The following GINM1 variants were observed in gnomAD, a reference collection of about 807,000 sequenced individuals.
GINM1 encodes glycoprotein integral membrane protein 1.
In GINM1, 29 loss-of-function variants were observed where a neutral mutation model predicts 37.8. The ratio of observed to expected loss-of-function variants is 0.77; its 90% confidence interval spans 0.57 to 1.05. The LOEUF is 1.05. Ranked by LOEUF, GINM1 falls within the 50% of genes least tolerant of loss-of-function variation. The pLI, the probability that GINM1 is intolerant of heterozygous loss-of-function variation, is 0.00. For synonymous variants in GINM1, 143 were observed against 146.2 expected (o/e 0.98, Z 0.16); for missense variants, 377 against 397.9 (o/e 0.95, Z 0.45).
At chr6:149,586,092 C>A (rs1778066756) in intron 7 of GINM1, among the ~76,000 whole-genome samples, 1 of 152,108 alleles carries the variant, frequency 6.6e-6, no homozygotes, top group South Asian at 2.1e-4. Flanking sequence ...TAAAGTAATA[C>A]CTGGGCTGGT....
chr6:149,575,731 G>A (rs901236483), intron 3 of GINM1, among the ~76,000 whole-genome samples: 3 of 152,172 alleles, frequency 2.0e-5, no homozygotes, highest in Non-Finnish European at 4.4e-5. Context: ...TTGGTGTGCT[G>A]CAAGCTGATC....
intron 1 of GINM1, among the ~76,000 whole-genome samples, chr6:149,572,065 G>A (rs1362415962): frequency 6.8e-6 from 1 of 147,798 alleles, no homozygotes; most frequent in Admixed American, 7.2e-5. Flanking sequence ...TGGCGACAAA[G>A]TGAGACTCTC....
At chr6:149,588,782 C>G (rs915856217) in intron 7 of GINM1, among the ~76,000 whole-genome samples, 1 of 151,796 alleles carries the variant, frequency 6.6e-6, no homozygotes, top group Admixed American at 6.6e-5. Flanking sequence ...CACTTGCCAC[C>G]CTGCCTGGCT....
chr6:149,570,894 G>A (rs1164793479), intron 1 of GINM1, among the ~76,000 whole-genome samples: 1 of 152,180 alleles, frequency 6.6e-6, no homozygotes, highest in African/African-American at 2.4e-5. Context: ...TCTTAAAATA[G>A]TGCTTGCTTC....
intron 4 of GINM1, 117 bp from the exon 5 acceptor site, chr6:149,579,717 T>G: frequency 1.8e-6 from 1 of 542,530 alleles, no homozygotes; most frequent in Non-Finnish European, 3.1e-6. Flanking sequence ...AAAAGAGTAA[T>G]TGTCTGAATA....
rs1777958009 is a variant in GINM1, at chr6:149,578,961, T to G, written c.417T>G (p.Ile139Met). 1.3e-6 allele frequency: 2 copies of G among 1,587,214 alleles called. No homozygotes were observed. Among genetic ancestry groups the G allele is most frequent in the African/African-American group, 2.7e-5 (2 of 74,138 alleles). The part of the protein sequence containing the change: ...LIVIQEEVVE[I>M]DGKQVQQKDV... ...TCATTCAAGAAGAGGTAGTAGAGAT[T>G]GATGGAAAACAAGTAAGATAGTATG... is the stretch of plus-strand genomic sequence containing the variant. The change falls in exon 4 of 8, where the codon ATT becomes ATG. Residue 139 changes from isoleucine to methionine, a missense_variant. Physicochemically the swap from Ile to Met is conservative, Grantham distance 10 (BLOSUM62 1). Coordinates refer to ENST00000367419, the MANE Select transcript of GINM1 (RefSeq NM_138785.5).
rs11547034 is a variant in GINM1, at chr6:149,566,450, G to A, written c.36G>A (p.Arg12=). 19,177 of 1,575,390 alleles carry A rather than the reference G, an allele frequency of 0.012. 1,996 individuals carry two copies. In the African/African-American group the frequency reaches 0.23, roughly 19 times the overall value. Residue 12 remains arginine (R), a synonymous_variant, in exon 1 of 8, where the codon CGG becomes CGA. Coordinates refer to ENST00000367419, the MANE Select transcript of GINM1 (RefSeq NM_138785.5). The surrounding 1 kb of genome is among the most constrained non-coding windows in gnomAD (Gnocchi z 4.4). The part of the protein sequence containing the change: ...EGAPPGSLAL[R]LLLFVALPAS... ...CTCCACCGGGGTCGCTCGCCCTCCGGCTCCTGCTGTTCGTGGCGCTACCCG... is the reference window on the plus strand; with the variant it reads ...CTCCACCGGGGTCGCTCGCCCTCCGACTCCTGCTGTTCGTGGCGCTACCCG...
At chr6:149,589,303 C>T (rs1023451429) in intron 7 of GINM1, among the ~76,000 whole-genome samples, 3 of 151,410 alleles carry the variant, frequency 2.0e-5, no homozygotes, top group Non-Finnish European at 2.9e-5. Flanking sequence ...GACAGAGTCT[C>T]GCTTTGTTGC....
At chr6:149,581,331 G>A (rs1164068501) in intron 6 of GINM1, among the ~76,000 whole-genome samples, 1 of 152,084 alleles carries the variant, frequency 6.6e-6, no homozygotes, top group Non-Finnish European at 1.5e-5. Context: ...GCTAATTTTT[G>A]TATTTTTAGT....
In GINM1 at chr6:149,570,436, T is replaced by A. The variant is rs2115055060; in HGVS notation, c.121-1849T>A. On this transcript the variant is annotated intron_variant, in intron 1 of 7. Coordinates refer to ENST00000367419, the MANE Select transcript of GINM1 (RefSeq NM_138785.5). Reference sequence around the variant, plus strand: ...GGATTTGTTTTAGATGCACTATTGGTTCTAACCGTCTAGATCAAGGTGAGC... The same window carrying A: ...GGATTTGTTTTAGATGCACTATTGGATCTAACCGTCTAGATCAAGGTGAGC... 2.0e-5 allele frequency among the ~76,000 whole-genome samples: 3 copies of A among 152,100 alleles called. No homozygotes were observed. In the South Asian group the frequency reaches 6.2e-4, roughly 32 times the overall value.
chr6:149,580,522 G>A, intron 5 of GINM1, 71 bp from the exon 6 acceptor site: 1 of 1,330,710 alleles, frequency 7.5e-7, no homozygotes, highest in Non-Finnish European at 1.0e-6. Context: ...AAATGCTATT[G>A]GTATCGTAAT....
Position 149,591,065 on chromosome 6 carries a change from C to A in GINM1, c.*227C>A, listed in dbSNP as rs560649369. On this transcript the variant is annotated 3_prime_UTR_variant, in exon 8 of 8. Transcript: ENST00000367419. The stretch of plus-strand genomic sequence containing the variant: ...ATCCCAGGACTTTGGGAGGCCAATG[C>A]GGGCGGATCACGAGGTCAGATCAAG... 1.2e-5 allele frequency: 5 copies of A among 406,878 alleles called. No individual in the cohort carries two copies. Among genetic ancestry groups the A allele is most frequent in the Non-Finnish European group, 1.8e-5 (4 of 228,116 alleles). 25.2% of individuals were successfully genotyped at this position (406,878 alleles called of 1,614,324 possible). A position where few individuals can be genotyped will look rare whatever the true frequency, so the allele number is the denominator to read the frequency against.
intron 7 of GINM1, among the ~76,000 whole-genome samples, chr6:149,586,780 T>A (rs1778077688): frequency 6.6e-6 from 1 of 152,150 alleles, no homozygotes; most frequent in Non-Finnish European, 1.5e-5. Flanking sequence ...AGACAAGGTC[T>A]CACCTTGACA....
chr6:149,586,335 A>T (rs1396924746), intron 7 of GINM1, among the ~76,000 whole-genome samples: 1 of 152,188 alleles, frequency 6.6e-6, no homozygotes, highest in Non-Finnish European at 1.5e-5. Context: ...TCTCCAGGGA[A>T]TGAATAATGA....
At chr6:149,568,850 C>T (rs1001840381) in intron 1 of GINM1, among the ~76,000 whole-genome samples, 3 of 150,950 alleles carry the variant, frequency 2.0e-5, no homozygotes, top group Non-Finnish European at 4.4e-5. Flanking sequence ...TTTTTTGAGA[C>T]GGAATATCTC....
At chr6:149,582,661 A>AAT in intron 7 of GINM1, 58 bp downstream of exon 7, 1 of 1,211,520 alleles carries the variant, frequency 8.3e-7, no homozygotes, top group Non-Finnish European at 1.1e-6. Context: ...AGTGAGACAT[A>AAT]TTTGCTATGT....
At chr6:149,585,651 G>A (rs2115062641) in intron 7 of GINM1, among the ~76,000 whole-genome samples, 1 of 152,076 alleles carries the variant, frequency 6.6e-6, no homozygotes, top group Non-Finnish European at 1.5e-5. Context: ...GAAGTGCAGT[G>A]GCACAATCTC....
intron 1 of GINM1, among the ~76,000 whole-genome samples, chr6:149,569,486 G>A (rs937759595): frequency 7.3e-5 from 11 of 151,070 alleles, no homozygotes; most frequent in African/African-American, 2.7e-4. Flanking sequence ...TTACAGGCAC[G>A]TGCCACCATG....
At chr6:149,584,882 A>T (rs747881997) in intron 7 of GINM1, among the ~76,000 whole-genome samples, 9 of 151,722 alleles carry the variant, frequency 5.9e-5, no homozygotes, top group Non-Finnish European at 1.0e-4. Flanking sequence ...GTTGGTCTTG[A>T]ACTCTTGGCC....
Sources: allele counts gnomAD v4.1 joint callset (sites outside exome capture counted in the v4.1 genomes callset), GRCh38; gene constraint gnomAD v4.1.1; non-coding constraint Gnocchi (gnomAD v3.1); transcripts MANE v1.5; gene names NCBI Gene and HGNC (gene_info 2026-07-23, HGNC 2026-07-21).